Variants in RGS3 observed in about 807,000 individuals in gnomAD.
RGS3 encodes the protein regulator of G-protein signalling 3.
Under a neutral mutation model 132.6 loss-of-function variants are expected in RGS3, and 80 were observed. The observed-to-expected ratio is 0.60, with a 90% CI of 0.50 to 0.73. The LOEUF (loss-of-function observed/expected upper bound fraction) is 0.73, where lower values mean the gene tolerates loss of function less well. Ranked by LOEUF, RGS3 falls within the 30% of genes least tolerant of loss-of-function variation. The probability of loss-of-function intolerance (pLI) is 0.00; values close to 1 mark genes in which losing one functional copy is unlikely to be tolerated. For missense variants in RGS3, 1,382 were observed against 1,530.8 expected (o/e 0.90, Z 1.62); for synonymous variants, 598 against 620.6 (o/e 0.96, Z 0.54).
intron 1 of RGS3, among the ~76,000 whole-genome samples, chr9:113,448,956 A>G (rs1829180370): frequency 6.6e-6 from 1 of 152,056 alleles, no homozygotes; most frequent in South Asian, 2.1e-4. Context: ...ATAGGTGGGA[A>G]AAGTTTGGGG....
In RGS3 at chr9:113,461,252, CA is replaced by C. The variant is rs575844650; in HGVS notation, c.81-454del. 4.2e-4 allele frequency among the ~76,000 whole-genome samples: 64 copies of C among 152,086 alleles called. 1 individual carries two copies. Among genetic ancestry groups the C allele is most frequent in the African/African-American group, 1.4e-3 (59 of 41,490 alleles). On this transcript the variant is annotated intron_variant, in intron 1 of 24. Transcript: ENST00000350696. ...GCACATGTGTGAGGTGGAAGAACCC[CA>C]GGGGGTGCTAGAATGCTCAGGACAT...
chr9:113,518,644 G>A (rs531082027), intron 16 of RGS3, among the ~76,000 whole-genome samples: 1 of 152,128 alleles, frequency 6.6e-6, no homozygotes, highest in Non-Finnish European at 1.5e-5. Flanking sequence ...CTTTTTCAAG[G>A]GAGTGCCCTG....
intron 19 of RGS3, among the ~76,000 whole-genome samples, chr9:113,549,334 T>C (rs375203051): frequency 1.3e-5 from 2 of 152,222 alleles, no homozygotes; most frequent in African/African-American, 4.8e-5. Flanking sequence ...AGGTACTTAA[T>C]AGTAGCTCTT....
chr9:113,591,443 G>A lies in RGS3; in HGVS notation c.3080+46G>A. 1.3e-6 allele frequency: 2 copies of A among 1,557,736 alleles called. No individual in the cohort carries two copies. Among genetic ancestry groups the A allele is most frequent in the Non-Finnish European group, 1.8e-6 (2 of 1,129,692 alleles). On this transcript the variant is annotated intron_variant, in intron 21 of 24. Transcript: ENST00000350696. The surrounding 1 kb of genome is among the most constrained non-coding windows in gnomAD (Gnocchi z 4.4). ...GCTTCTGCGCTCCTCTTCCTCCCTTGCCCCAGGGCTTGTCTCTCCTCTAGG... is the reference window on the plus strand; with the variant it reads ...GCTTCTGCGCTCCTCTTCCTCCCTTACCCCAGGGCTTGTCTCTCCTCTAGG...
intron 3 of RGS3, among the ~76,000 whole-genome samples, chr9:113,478,334 A>G (rs1830059149): frequency 6.6e-6 from 1 of 151,868 alleles, no homozygotes; most frequent in African/African-American, 2.4e-5. Flanking sequence ...GTTCGTGGAT[A>G]TATTTGAATT....
chr9:113,471,945 A>G (rs1829848614), intron 3 of RGS3, among the ~76,000 whole-genome samples: 1 of 152,230 alleles, frequency 6.6e-6, no homozygotes, highest in Non-Finnish European at 1.5e-5. Flanking sequence ...AAAGATGAGT[A>G]ACCCAGCTCA....
chr9:113,565,913 G>GTGTGTGTGTGTC lies in RGS3; in HGVS notation c.2038-17534_2038-17533insGTGTGTGTCTGT, dbSNP rs1381769881. ...TGTGTGTGTGTGTGTGTGTGTGTGT[G>GTGTGTGTGTGTC]TGTCTGTCTGTCTGTCTGTCTCAGG... On this transcript the variant is annotated intron_variant, in intron 19 of 24. Coordinates refer to ENST00000350696, the Ensembl canonical transcript of RGS3. This position sits in a 1 kb window ranked among gnomAD's most constrained non-coding sequence, Gnocchi z 5.7. Among the ~76,000 whole-genome samples the GTGTGTGTGTGTC allele has an allele frequency of 3.5e-4, 51 of 144,512 alleles. No individual in the cohort carries two copies. Among genetic ancestry groups the GTGTGTGTGTGTC allele is most frequent in the African/African-American group, 1.3e-3 (51 of 38,552 alleles). The allele number at this position is 144,512 out of a possible 152,430, so 94.8% of individuals were successfully genotyped here.
At chr9:113,562,703 C>T (rs1833845675) in intron 19 of RGS3, among the ~76,000 whole-genome samples, 1 of 152,128 alleles carries the variant, frequency 6.6e-6, no homozygotes, top group African/African-American at 2.4e-5. Flanking sequence ...TCTCTAGATC[C>T]CAGTTTCTCC....
intron 3 of RGS3, among the ~76,000 whole-genome samples, chr9:113,476,275 G>A (rs1829992319): frequency 6.6e-6 from 1 of 152,040 alleles, no homozygotes; most frequent in East Asian, 1.9e-4. Context: ...TGCTGGAGTG[G>A]GGGTAGAGTT....
At chr9:113,541,486 A>G in intron 19 of RGS3, 1 of 1,591,914 alleles carries the variant, frequency 6.3e-7, no homozygotes, top group Non-Finnish European at 8.6e-7. Context: ...GGCATCCCCT[A>G]CCACACAGTA....
At chr9:113,527,049 C>T (rs1418203893) in intron 17 of RGS3, among the ~76,000 whole-genome samples, 1 of 152,208 alleles carries the variant, frequency 6.6e-6, no homozygotes, top group Non-Finnish European at 1.5e-5. Flanking sequence ...CCATTCCGTC[C>T]TCCTCTCAAA....
rs972541285 is a variant in RGS3, at chr9:113,564,990, CG to C, written c.2038-18458del. 8 of 1,018,476 alleles carry C rather than the reference CG, an allele frequency of 7.9e-6. No homozygotes were observed. The African/African-American group carries it at 1.2e-4, about 15-fold the overall frequency. The allele number at this position is 1,018,476 out of a possible 1,614,324, so 63.1% of individuals were successfully genotyped here. Reference sequence around the variant, plus strand: ...CGGCTGCCAGCAGGCCGGCTGGAGGCGGCTTTGCGCTGCCCCAGCCTGGGAG... The same window carrying C: ...CGGCTGCCAGCAGGCCGGCTGGAGGCGCTTTGCGCTGCCCCAGCCTGGGAG... On this transcript the variant is annotated intron_variant, in intron 19 of 24. Coordinates refer to ENST00000350696, the Ensembl canonical transcript of RGS3.
At chr9:113,519,736 G>C (rs1831848281) in intron 16 of RGS3, among the ~76,000 whole-genome samples, 1 of 151,822 alleles carries the variant, frequency 6.6e-6, no homozygotes, top group African/African-American at 2.4e-5. Flanking sequence ...ACACTCAACA[G>C]AAATCTTTAT....
intron 8 of RGS3, among the ~76,000 whole-genome samples, chr9:113,496,364 T>G (rs1830682559): frequency 6.6e-6 from 1 of 152,082 alleles, no homozygotes; most frequent in Admixed American, 6.5e-5. Context: ...TGGTCCCTTA[T>G]CAATTTCTAC....
In RGS3 at chr9:113,506,453, G is replaced by A; in HGVS notation, c.1045G>A (p.Val349Met). Residue 349 changes from valine (V) to methionine (M), a missense_variant, in exon 12 of 25, where the codon GTG becomes ATG. Transcript: ENST00000350696. This position sits in a 1 kb window ranked among gnomAD's most constrained non-coding sequence, Gnocchi z 4.7. ...GGTGCTGCAGCTGAATGAGAGGCCT[G>A]TGGAGCACTGGAAATGTGTGGAGCT... The A allele has an allele frequency of 6.3e-7, 1 of 1,598,316 alleles. No homozygotes were observed. Among genetic ancestry groups the A allele is most frequent in the Non-Finnish European group, 8.5e-7 (1 of 1,173,788 alleles).
At chr9:113,553,762 G>A (rs1833456716) in intron 19 of RGS3, among the ~76,000 whole-genome samples, 1 of 151,760 alleles carries the variant, frequency 6.6e-6, no homozygotes, top group African/African-American at 2.4e-5. Context: ...AGAATCACTT[G>A]AACCCTGGAG....
chr9:113,521,998 G>A (rs1390837729), intron 16 of RGS3, among the ~76,000 whole-genome samples: 1 of 152,180 alleles, frequency 6.6e-6, no homozygotes, highest in Non-Finnish European at 1.5e-5. Context: ...GGATTTTATT[G>A]CTTTTGACTA....
exon 25 of RGS3, chr9:113,597,084 A>G (rs1171186393): frequency 1.3e-5 from 10 of 758,292 alleles, no homozygotes; most frequent in Non-Finnish European, 2.1e-5. Context: ...ACGGATAGAC[A>G]TACGGAAGCG....
chr9:113,491,280 CT>C (rs1009006842), intron 7 of RGS3, among the ~76,000 whole-genome samples: 3 of 145,370 alleles, frequency 2.1e-5, no homozygotes, highest in African/African-American at 7.6e-5. Context: ...ATTTTTTTTT[CT>C]TTTTTTTTGA....
Sources: gnomAD v4.1 joint callset for allele counts (sites outside exome capture counted in the v4.1 genomes callset) on GRCh38, gnomAD v4.1.1 for gene constraint, Gnocchi (gnomAD v3.1) non-coding constraint, MANE v1.5 for transcripts, NCBI Gene and HGNC (gene_info 2026-07-23, HGNC 2026-07-21) for gene names.